Variants in ZNF814 observed in about 807,000 individuals in gnomAD.
ZNF814 encodes the protein zinc finger protein 814.
A neutral mutation model predicts 7.5 loss-of-function variants in ZNF814; 5 were observed. The observed-to-expected ratio is 0.67, with a 90% confidence interval of 0.35 to 1.40. The LOEUF is 1.40. ZNF814 is among the 40% of genes most tolerant of loss of function. The probability of loss-of-function intolerance (pLI) is 0.04; values close to 1 mark genes in which losing one functional copy is unlikely to be tolerated. For synonymous variants in ZNF814, 315 were observed against 340.7 expected, an observed-to-expected ratio of 0.92 and a Z score of 0.83; for missense variants, 962 against 1,018.0, an observed-to-expected ratio of 0.94 and a Z score of 0.75.
intron 1 of ZNF814, among the ~76,000 whole-genome samples, chr19:57,885,321 CAA>C (rs748029965): frequency 7.7e-5 from 10 of 129,164 alleles, no homozygotes; most frequent in Admixed American, 8.0e-5. Context: ...GACTCCGTCT[CAA>C]AAAAAAAAAA....
chr19:57,876,456 G>A, intron 2 of ZNF814: 1 of 182,300 alleles, frequency 5.5e-6, no homozygotes, highest in Non-Finnish European at 1.1e-5. Context: ...CTCAGCCCAT[G>A]ACAGCCCATG....
chr19:57,873,979 TCA>T lies in ZNF814; in HGVS notation c.1409_1410del (p.Val470GlufsTer6). 2 of 1,614,024 alleles carry T rather than the reference TCA, an allele frequency of 1.2e-6. No homozygotes were observed. The highest frequency in any genetic ancestry group is 1.7e-6 in the Non-Finnish European group (2 of 1,179,916). On this transcript the variant is annotated frameshift_variant, in exon 3 of 3. Transcript: ENST00000435989. LOFTEE classifies it low-confidence loss of function (END_TRUNC). Reference sequence around the variant, plus strand: ...AGGCTGCGCTTATGACTGAAAGATTTCACACATTCTCCACACTTGAAAGGTCT... The same window carrying T: ...AGGCTGCGCTTATGACTGAAAGATTTCACATTCTCCACACTTGAAAGGTCT... The part of the protein sequence containing the change: ...GERPFKCGEC[V>X]KSFSHKRSLV...
At chr19:57,889,179 G>T, upstream of ZNF814, 1 of 401,400 alleles carries the variant, frequency 2.5e-6, no homozygotes, top group Non-Finnish European at 4.4e-6. Context: ...AGGCAACAAG[G>T]AGGGTAAAGG....
chr19:57,902,917 G>A, the ZNF814 span, among the ~76,000 whole-genome samples: 1 of 151,976 alleles, frequency 6.6e-6, no homozygotes, highest in Non-Finnish European at 1.5e-5. Context: ...CTGGCCTCAT[G>A]ATCCGCCCGC....
Position 57,874,130 on chromosome 19 carries a change from C to G in ZNF814, c.1260G>C (p.Lys420Asn). ...ATCGCTGATGTTGAATGAGGCTGCT[C>G]TTTTGACTAAAGGATTTCCCACATT... ...CGECGKSFSQ[K>N]SSLIQHQRFH... Residue 420 changes from lysine to asparagine, a missense_variant, in exon 3 of 3, where the codon AAG (lysine) becomes AAC (asparagine). Lys to Asn is a moderately conservative substitution (Grantham distance 94). Coordinates refer to ENST00000435989, the MANE Select transcript of ZNF814 (RefSeq NM_001144989.2). 6.3e-7 allele frequency: 1 copy of G among 1,597,382 alleles called. No individual in the cohort carries two copies. Among genetic ancestry groups the G allele is most frequent in the Non-Finnish European group, 8.5e-7 (1 of 1,171,808 alleles).
In ZNF814 at chr19:57,873,112, A is replaced by C. The variant is rs778330020; in HGVS notation, c.2278T>G (p.Cys760Gly). Residue 760 changes from cysteine (C) to glycine (G), a missense_variant, in exon 3 of 3, where the codon TGT becomes GGT. Coordinates refer to ENST00000435989, the MANE Select transcript of ZNF814 (RefSeq NM_001144989.2). ...GKSFTHSSTF[C>G]VHKRIHTGEK... ...CCAGTGTGAATTCGCTTATGAACAC[A>C]GAATGTAGAGCTGTGGGTAAATGAT... 1 of 1,613,768 alleles carries C rather than the reference A, an allele frequency of 6.2e-7. No individual in the cohort carries two copies. The highest frequency in any genetic ancestry group is 1.1e-5 in the South Asian group (1 of 91,028).
upstream of ZNF814, chr19:57,889,071 C>T: frequency 1.9e-6 from 1 of 526,558 alleles, no homozygotes; most frequent in East Asian, 2.9e-5. Flanking sequence ...AGTCCGGACC[C>T]ATTGTCACGT....
In ZNF814 at chr19:57,874,029, T is replaced by C. The variant is rs1187676439; in HGVS notation, c.1361A>G (p.His454Arg). The C allele has an allele frequency of 6.2e-7, 1 of 1,613,042 alleles. No homozygotes were observed. The highest frequency in any genetic ancestry group is 8.5e-7 in the Non-Finnish European group (1 of 1,179,562). The change falls in exon 3 of 3, where the codon CAT becomes CGT. Residue 454 changes from histidine (H) to arginine (R), a missense_variant. By Grantham distance (29) the His-to-Arg change is conservative. Coordinates refer to ENST00000435989, the MANE Select transcript of ZNF814 (RefSeq NM_001144989.2). ...SFSSEGHLRS[H>R]QRVHAGERPF... Reference sequence around the variant, plus strand: ...TCTTTCTCCGGCGTGAACTCGTTGATGGCTCCTAAGATGTCCTTCTGAACT... The same window carrying C: ...TCTTTCTCCGGCGTGAACTCGTTGACGGCTCCTAAGATGTCCTTCTGAACT...
the ZNF814 span, among the ~76,000 whole-genome samples, chr19:57,904,497 G>A: frequency 1.3e-5 from 2 of 152,166 alleles, no homozygotes; most frequent in Non-Finnish European, 1.5e-5. Context: ...TGCCACCCTC[G>A]CTTTAAGCCC....
At position 57,873,679 on chromosome 19, in the gene ZNF814, GGTGAACTCGCTGATGTA is replaced by G; in HGVS notation, c.1694_1710del (p.Leu565ProfsTer2). The G allele has an allele frequency of 6.2e-7, 1 of 1,605,186 alleles. No individual in the cohort carries two copies. Among genetic ancestry groups the G allele is most frequent in the Non-Finnish European group, 8.5e-7 (1 of 1,177,016 alleles). ...CCACACCCATAAGATCTTTCTCTAG[GGTGAACTCGCTGATGTA>G]GAATGAGGGTGCCTTTATGACTAAA... On this transcript the variant is annotated frameshift_variant, in exon 3 of 3. Transcript: ENST00000435989. LOFTEE classifies it low-confidence loss of function (END_TRUNC).
At position 57,875,818 on chromosome 19, in the gene ZNF814, A is replaced by T. The variant is rs13346567; in HGVS notation, c.164-592T>A. On this transcript the variant is annotated intron_variant, in intron 2 of 2. Coordinates refer to ENST00000435989, the MANE Select transcript of ZNF814 (RefSeq NM_001144989.2). The stretch of plus-strand genomic sequence containing the variant: ...GGTAGACAAGTGTGATGCTCTCAAG[A>T]ATGAGGAAGAAAAGACAAATTATGT... 1.1e-3 allele frequency among the ~76,000 whole-genome samples: 161 copies of T among 152,214 alleles called. 1 individual carries two copies. Among genetic ancestry groups the T allele is most frequent in the African/African-American group, 3.7e-3 (153 of 41,530 alleles).
chr19:57,890,172 C>T (rs1259849487), upstream of ZNF814, among the ~76,000 whole-genome samples: 1 of 152,152 alleles, frequency 6.6e-6, no homozygotes, highest in Non-Finnish European at 1.5e-5. Context: ...CGTGTAAACA[C>T]CCAGAGGGTT....
At chr19:57,900,754 C>A in the ZNF814 span, among the ~76,000 whole-genome samples, 1 of 150,638 alleles carries the variant, frequency 6.6e-6, no homozygotes, top group East Asian at 1.9e-4. Context: ...GTTAAAAAAC[C>A]TTTTTTTTGC....
In ZNF814 at chr19:57,874,650, C is replaced by T. The variant is rs200746898; in HGVS notation, c.740G>A (p.Cys247Tyr). ...TREECYVCCE[C>Y]GKSFSKYASL... ...AGCATATTTGCTAAAGGACTTCCCA[C>T]ATTCACAGCACACATAACACTCTTC... Residue 247 changes from cysteine (C) to tyrosine (Y), a missense_variant, in exon 3 of 3, where the codon TGT becomes TAT. Physicochemically the swap from Cys to Tyr is radical, Grantham distance 194. Coordinates refer to ENST00000435989, the MANE Select transcript of ZNF814 (RefSeq NM_001144989.2). 1 of 1,556,262 alleles carries T rather than the reference C, an allele frequency of 6.4e-7. No homozygotes were observed. Among genetic ancestry groups the T allele is most frequent in the East Asian group, 2.4e-5 (1 of 41,148 alleles).
At chr19:57,883,839 C>T (rs1600139585) in intron 1 of ZNF814, among the ~76,000 whole-genome samples, 1 of 151,852 alleles carries the variant, frequency 6.6e-6, no homozygotes, top group Non-Finnish European at 1.5e-5. Flanking sequence ...CTCACTGCAA[C>T]CTCCACCTCC....
the ZNF814 span, among the ~76,000 whole-genome samples, chr19:57,903,007 G>A: frequency 3.9e-5 from 6 of 151,956 alleles, no homozygotes; most frequent in East Asian, 5.8e-4. Context: ...ATAAATACCC[G>A]TTTTATCACC....
At chr19:57,894,384 C>T in the ZNF814 span, among the ~76,000 whole-genome samples, 4 of 151,550 alleles carry the variant, frequency 2.6e-5, no homozygotes, top group Admixed American at 6.6e-5. Context: ...AAAAAGAAGC[C>T]GATTTGCCCA....
chr19:57,897,358 C>G, the ZNF814 span, among the ~76,000 whole-genome samples: 1 of 152,048 alleles, frequency 6.6e-6, no homozygotes, highest in Admixed American at 6.6e-5. Context: ...TTTTCAGGCT[C>G]TTGCTTTAAT....
chr19:57,879,492 C>T (rs1375756742), intron 1 of ZNF814, among the ~76,000 whole-genome samples: 1 of 149,030 alleles, frequency 6.7e-6, no homozygotes, highest in Non-Finnish European at 1.5e-5. Flanking sequence ...CCAGGCAAAA[C>T]ATCTAGTCCT....
Sources: allele counts gnomAD v4.1 joint callset (sites outside exome capture counted in the v4.1 genomes callset), GRCh38; gene constraint gnomAD v4.1.1; transcripts MANE v1.5; gene names NCBI Gene and HGNC (gene_info 2026-07-23, HGNC 2026-07-21).